Variants in TENM1 observed in about 807,000 individuals in gnomAD.
TENM1 encodes teneurin-1.
In TENM1, 35 loss-of-function variants were observed where a neutral mutation model predicts 174.8. The observed-to-expected ratio is 0.20, with a 90% confidence interval of 0.15 to 0.27. The LOEUF is 0.27. Among genes scored for constraint, TENM1 ranks in the 10% least tolerant of loss-of-function variants. The probability of loss-of-function intolerance (pLI) is 1.00; values close to 1 mark genes in which losing one functional copy is unlikely to be tolerated. For synonymous variants in TENM1, 781 were observed against 798.7 expected (o/e 0.98, Z 0.37); for missense variants, 1,633 against 2,130.1 (o/e 0.77, Z 4.59).
At chrX:124,742,810 T>G (rs1031329544) in intron 3 of TENM1, among the ~76,000 whole-genome samples, 24 of 110,516 alleles carry the variant, frequency 2.2e-4, no homozygotes, top group African/African-American at 7.2e-4. Flanking sequence ...GACCATATAA[T>G]CTACACGTGC....
chrX:125,163,630 G>A, the TENM1 span, among the ~76,000 whole-genome samples: 1 of 111,277 alleles, frequency 9.0e-6, no homozygotes, highest in African/African-American at 3.3e-5. Context: ...CTTCAGAGAA[G>A]CCTGTTTCCT....
intron 13 of TENM1, 82 bp from the exon 17 acceptor site, chrX:124,561,899 C>T: frequency 4.1e-6 from 4 of 973,210 alleles, no homozygotes; most frequent in Non-Finnish European, 5.7e-6. Flanking sequence ...TATAGGGAAG[C>T]ATCTAACCAT....
the TENM1 span, among the ~76,000 whole-genome samples, chrX:125,034,190 A>T: frequency 8.9e-6 from 1 of 111,759 alleles, no homozygotes; most frequent in Non-Finnish European, 1.9e-5. Context: ...CTTCACAGAC[A>T]GGAATACTCA....
exon 9 of TENM1, chrX:124,646,767 C>T: frequency 3.3e-6 from 4 of 1,206,160 alleles, no homozygotes; most frequent in Non-Finnish European, 3.4e-6. Context: ...CAGAGATACA[C>T]TCTCCATTTC....
chrX:124,852,788 G>C (rs1462450606), intron 3 of TENM1, among the ~76,000 whole-genome samples: 1 of 111,554 alleles, frequency 9.0e-6, no homozygotes, highest in Non-Finnish European at 1.9e-5. Context: ...GATATCTGGT[G>C]AACACTGATA....
chrX:124,833,473 A>C (rs981457254), intron 3 of TENM1, among the ~76,000 whole-genome samples: 1 of 111,613 alleles, frequency 9.0e-6, no homozygotes, highest in Non-Finnish European at 1.9e-5. Context: ...ATATTTTATT[A>C]CATTACTTGC....
In TENM1 at chrX:124,652,390, T is replaced by G. The variant is rs898056231; in HGVS notation, c.1369-266A>C. On this transcript the variant is annotated intron_variant, in intron 7 of 31. Coordinates refer to ENST00000422452, the Ensembl canonical transcript of TENM1. Reference sequence around the variant, plus strand: ...CCTGGGCAACAAATTTTATAAAAATTTTTAAAAGTTTTTTAAAGAGCATAT... The same window carrying G: ...CCTGGGCAACAAATTTTATAAAAATGTTTAAAAGTTTTTTAAAGAGCATAT... Among the ~76,000 whole-genome samples, 17 of 111,385 alleles carry G rather than the reference T, an allele frequency of 1.5e-4. No individual in the cohort carries two copies. The Admixed American group carries it at 1.6e-3, about 11-fold the overall frequency.
At chrX:124,970,379 G>A in the TENM1 span, among the ~76,000 whole-genome samples, 1 of 111,823 alleles carries the variant, frequency 8.9e-6, no homozygotes, top group Non-Finnish European at 1.9e-5. Flanking sequence ...GAGGAAATGA[G>A]GCCACACAGT....
At chrX:124,580,347 A>G (rs1191995399) in intron 11 of TENM1, among the ~76,000 whole-genome samples, 1 of 111,252 alleles carries the variant, frequency 9.0e-6, no homozygotes, top group Non-Finnish European at 1.9e-5. Flanking sequence ...GGAATAAGCC[A>G]TGTGCTGAAA....
chrX:124,995,509 T>C, the TENM1 span, among the ~76,000 whole-genome samples: 1 of 111,749 alleles, frequency 8.9e-6, no homozygotes, highest in South Asian at 3.7e-4. Context: ...GCTGCTCCTA[T>C]TTAGGCCAAC....
the TENM1 span, among the ~76,000 whole-genome samples, chrX:125,162,324 T>G: frequency 1.4e-3 from 153 of 112,389 alleles, no homozygotes; most frequent in African/African-American, 4.7e-3. Flanking sequence ...CACTATAGCT[T>G]CTATCACTGA....
intron 3 of TENM1, among the ~76,000 whole-genome samples, chrX:124,876,047 G>C (rs1421210815): frequency 9.1e-6 from 1 of 109,646 alleles, no homozygotes; most frequent in East Asian, 2.8e-4. Context: ...TAAATGCAAG[G>C]ATTGAACTGC....
chrX:125,069,872 A>G, the TENM1 span, among the ~76,000 whole-genome samples: 9 of 111,314 alleles, frequency 8.1e-5, no homozygotes, highest in Non-Finnish European at 1.3e-4. Flanking sequence ...ACTCTCACCA[A>G]TATACCCTTT....
At chrX:124,631,982 G>A (rs1268400980) in intron 11 of TENM1, among the ~76,000 whole-genome samples, 5 of 99,011 alleles carry the variant, frequency 5.0e-5, no homozygotes, top group Non-Finnish European at 1.0e-4. Context: ...GCGCAATCTC[G>A]GCTCACTGCA....
intron 3 of TENM1, among the ~76,000 whole-genome samples, chrX:124,855,803 C>T (rs1030132036): frequency 4.5e-5 from 5 of 110,978 alleles, no homozygotes; most frequent in African/African-American, 1.6e-4. Context: ...ACAAAAGAGA[C>T]AGGAAGATTG....
Position 124,413,237 on chromosome X carries a change from T to C in TENM1, c.4983-6748A>G, listed in dbSNP as rs146390085. ...CAGACCCAGTTCATATATGAGAAGA[T>C]GGTGGTCTGTTGCCTTCGTTAAATA... On this transcript the variant is annotated intron_variant, in intron 25 of 31. Coordinates refer to ENST00000422452, the Ensembl canonical transcript of TENM1. 2.5e-3 allele frequency among the ~76,000 whole-genome samples: 276 copies of C among 111,794 alleles called. 1 individual carries two copies. Among genetic ancestry groups the C allele is most frequent in the African/African-American group, 8.5e-3 (260 of 30,747 alleles).
intron 11 of TENM1, among the ~76,000 whole-genome samples, chrX:124,637,687 T>G: frequency 9.0e-6 from 1 of 111,606 alleles, no homozygotes; most frequent in East Asian, 2.8e-4. Flanking sequence ...TTGTGATCAC[T>G]TCCTCAACCA....
chrX:124,587,689 G>A (rs889519660), intron 11 of TENM1, among the ~76,000 whole-genome samples: 1 of 111,241 alleles, frequency 9.0e-6, no homozygotes, highest in African/African-American at 3.3e-5. Context: ...ATTGACAAAT[G>A]GGATCTAATT....
chrX:124,608,781 CTT>C (rs55733864), intron 11 of TENM1, among the ~76,000 whole-genome samples: 53 of 93,025 alleles, frequency 5.7e-4, no homozygotes, highest in Middle Eastern at 5.6e-3. Flanking sequence ...GAAGAGTAAG[CTT>C]TTTTTTTTTT....
Sources: allele counts gnomAD v4.1 joint callset (sites outside exome capture counted in the v4.1 genomes callset), GRCh38; gene constraint gnomAD v4.1.1; transcripts MANE v1.5; gene names NCBI Gene and HGNC (gene_info 2026-07-23, HGNC 2026-07-21).